The following OR6N1 variants were observed in gnomAD, a reference collection of about 807,000 sequenced individuals.
OR6N1 encodes the protein olfactory receptor family 6 subfamily N member 1, also known as olfactory receptor 6N1.
For missense variants in OR6N1, 394 were observed against 371.7 expected (o/e 1.06, Z -0.49); for synonymous variants, 170 against 150.7 (o/e 1.13, Z -0.94).
chr1:158,765,504 C>A lies in OR6N1; in HGVS notation c.*240G>T. 2 of 410,802 alleles carry A rather than the reference C, an allele frequency of 4.9e-6. No individual in the cohort carries two copies. The highest frequency in any genetic ancestry group is 6.7e-5 in the South Asian group (1 of 15,032). 25.4% of individuals were successfully genotyped at this position (410,802 alleles called of 1,614,324 possible). On this transcript the variant is annotated 3_prime_UTR_variant, in exon 2 of 2. Coordinates refer to ENST00000641846, the MANE Select transcript of OR6N1 (RefSeq NM_001005185.2). ...ACATAAACATCTGAGTTTTGAAAAT[C>A]ACTGCACTACATCATGTTGAAGGGA...
At chr1:158,803,376 A>G in the OR6N1 span, among the ~76,000 whole-genome samples, 1 of 152,188 alleles carries the variant, frequency 6.6e-6, no homozygotes, top group Non-Finnish European at 1.5e-5. Context: ...ACAAAGATGG[A>G]TAGTTGAAAC....
At chr1:158,790,846 CAT>C in the OR6N1 span, among the ~76,000 whole-genome samples, 4 of 152,082 alleles carry the variant, frequency 2.6e-5, no homozygotes, top group Non-Finnish European at 4.4e-5. Context: ...ATAATTTTCA[CAT>C]GTTAAGGGTG....
chr1:158,834,171 T>C, the OR6N1 span, among the ~76,000 whole-genome samples: 3 of 152,190 alleles, frequency 2.0e-5, no homozygotes, highest in Admixed American at 6.5e-5. Context: ...CATACTCATA[T>C]GTGCTTATTG....
chr1:158,801,550 A>G, the OR6N1 span, among the ~76,000 whole-genome samples: 1 of 152,206 alleles, frequency 6.6e-6, no homozygotes, highest in Non-Finnish European at 1.5e-5. Flanking sequence ...GCGCAACAGA[A>G]AAAGCATTCT....
intron 1 of OR6N1, among the ~76,000 whole-genome samples, chr1:158,769,938 T>C (rs774433014): frequency 2.0e-5 from 3 of 152,230 alleles, no homozygotes; most frequent in Non-Finnish European, 2.9e-5. Flanking sequence ...CTTGAATGCA[T>C]ACCTGCCTTC....
At chr1:158,771,759 C>T (rs937173674) in intron 1 of OR6N1, among the ~76,000 whole-genome samples, 5 of 152,074 alleles carry the variant, frequency 3.3e-5, no homozygotes, top group African/African-American at 9.7e-5. Flanking sequence ...AAACTGGGAT[C>T]CAGAAAGGGG....
At chr1:158,826,805 C>G in the OR6N1 span, among the ~76,000 whole-genome samples, 1 of 151,852 alleles carries the variant, frequency 6.6e-6, no homozygotes, top group Admixed American at 6.6e-5. Flanking sequence ...CATGAAATAA[C>G]AATATGTGTG....
the OR6N1 span, among the ~76,000 whole-genome samples, chr1:158,780,471 T>C: frequency 4.6e-3 from 704 of 152,302 alleles, 10 homozygotes; most frequent in African/African-American, 0.016. Context: ...ACAATATAGA[T>C]GCTCCTCGAC....
chr1:158,791,764 G>A, the OR6N1 span, among the ~76,000 whole-genome samples: 4 of 152,106 alleles, frequency 2.6e-5, no homozygotes, highest in African/African-American at 4.8e-5. Context: ...CACAGTGACC[G>A]GTCAATTTTG....
chr1:158,803,018 T>C, the OR6N1 span, among the ~76,000 whole-genome samples: 4 of 152,192 alleles, frequency 2.6e-5, no homozygotes, highest in African/African-American at 9.7e-5. Context: ...AGTAAGGTAT[T>C]TGAATCATTC....
chr1:158,794,749 G>T, the OR6N1 span, among the ~76,000 whole-genome samples: 4 of 152,178 alleles, frequency 2.6e-5, no homozygotes, highest in African/African-American at 4.8e-5. Context: ...GGCAATAGCA[G>T]AAATTACACA....
chr1:158,803,068 A>C, the OR6N1 span, among the ~76,000 whole-genome samples: 1 of 152,216 alleles, frequency 6.6e-6, no homozygotes, highest in African/African-American at 2.4e-5. Context: ...AATCAGGTGG[A>C]AAGAAAGCAG....
At chr1:158,797,120 A>C in the OR6N1 span, among the ~76,000 whole-genome samples, 3 of 152,252 alleles carry the variant, frequency 2.0e-5, no homozygotes, top group Non-Finnish European at 4.4e-5. Flanking sequence ...CCTTCAGCCA[A>C]GATACAGAGA....
the OR6N1 span, among the ~76,000 whole-genome samples, chr1:158,803,339 C>T: frequency 6.6e-6 from 1 of 152,128 alleles, no homozygotes; most frequent in African/African-American, 2.4e-5. Flanking sequence ...GCTTATGTCC[C>T]ACTTACTCTG....
At chr1:158,794,272 A>T in the OR6N1 span, among the ~76,000 whole-genome samples, 1 of 152,154 alleles carries the variant, frequency 6.6e-6, no homozygotes, top group African/African-American at 2.4e-5. Flanking sequence ...GTCAAAGTAG[A>T]TTTAAAGACA....
chr1:158,800,188 T>C, the OR6N1 span, among the ~76,000 whole-genome samples: 1 of 152,174 alleles, frequency 6.6e-6, no homozygotes, highest in African/African-American at 2.4e-5. Flanking sequence ...GTTCAATGAT[T>C]CTCAGTGACT....
the OR6N1 span, among the ~76,000 whole-genome samples, chr1:158,837,572 T>C: frequency 6.6e-6 from 1 of 151,844 alleles, no homozygotes; most frequent in Non-Finnish European, 1.5e-5. Context: ...ATTCCTTCAC[T>C]TTCTATCTTT....
the OR6N1 span, among the ~76,000 whole-genome samples, chr1:158,796,578 C>G: frequency 1.1e-3 from 167 of 152,240 alleles, no homozygotes; most frequent in African/African-American, 3.9e-3. Context: ...TTGTTTCTCA[C>G]TATTTCAATT....
chr1:158,838,606 A>G, the OR6N1 span, among the ~76,000 whole-genome samples: 51 of 152,076 alleles, frequency 3.4e-4, no homozygotes, highest in Middle Eastern at 0.01. Context: ...TTGGTTTCTT[A>G]TATCTGTACA....
Sources: gnomAD v4.1 joint callset for allele counts (sites outside exome capture counted in the v4.1 genomes callset) on GRCh38, gnomAD v4.1.1 for gene constraint, MANE v1.5 for transcripts, NCBI Gene and HGNC (gene_info 2026-07-23, HGNC 2026-07-21) for gene names.